Variants in PCSK6 observed in about 807,000 individuals in gnomAD.
PCSK6 encodes the protein proprotein convertase subtilisin/kexin type 6, also known as paired basic amino acid cleaving enzyme 4.
A neutral mutation model predicts 123.3 loss-of-function variants in PCSK6; 85 were observed. That is an observed-to-expected ratio of 0.69 (90% CI 0.58 to 0.83). The LOEUF is 0.83. Ranked by LOEUF, PCSK6 falls within the 40% of genes least tolerant of loss-of-function variation. The pLI is 0.00. For missense variants in PCSK6, 1,191 were observed against 1,282.3 expected (o/e 0.93, Z 1.09); for synonymous variants, 508 against 516.0 (o/e 0.98, Z 0.21).
chr15:101,470,063 T>G (rs1567245435), intron 1 of PCSK6, among the ~76,000 whole-genome samples: 1 of 152,212 alleles, frequency 6.6e-6, no homozygotes, highest in Admixed American at 6.5e-5. Flanking sequence ...AACTGCCATT[T>G]TTTTTGAAGA....
intron 1 of PCSK6, 137 bp from the exon 2 acceptor site, chr15:101,443,797 C>T (rs2056818910): frequency 7.4e-6 from 5 of 671,244 alleles, no homozygotes; most frequent in Non-Finnish European, 1.3e-5. Context: ...CACCCTGCTC[C>T]TCATATCTCT....
chr15:101,433,563 G>A (rs949345322), intron 2 of PCSK6, among the ~76,000 whole-genome samples: 4 of 152,228 alleles, frequency 2.6e-5, no homozygotes, highest in Non-Finnish European at 5.9e-5. Context: ...GATGATGTGA[G>A]TTCCAAACAG....
At chr15:101,453,120 T>C (rs887755110) in intron 1 of PCSK6, among the ~76,000 whole-genome samples, 2 of 152,232 alleles carry the variant, frequency 1.3e-5, no homozygotes, top group Non-Finnish European at 2.9e-5. Context: ...AACCCCATGC[T>C]GAGAAGCGGC....
chr15:101,371,269 G>A (rs2141470184), intron 11 of PCSK6, among the ~76,000 whole-genome samples: 1 of 152,160 alleles, frequency 6.6e-6, no homozygotes, highest in South Asian at 2.1e-4. Flanking sequence ...CCCAGGGATG[G>A]GCTCCCTTTG....
chr15:101,354,452 T>A, intron 13 of PCSK6, among the ~76,000 whole-genome samples: 1 of 152,268 alleles, frequency 6.6e-6, no homozygotes, highest in East Asian at 1.9e-4. Context: ...TTTTTACACT[T>A]TAAACAAAGT....
At chr15:101,357,061 G>A (rs1222635020) in intron 13 of PCSK6, among the ~76,000 whole-genome samples, 1 of 152,202 alleles carries the variant, frequency 6.6e-6, no homozygotes, top group Non-Finnish European at 1.5e-5. Flanking sequence ...CACCATTGGA[G>A]CAGTTTTTTT....
intron 6 of PCSK6, among the ~76,000 whole-genome samples, chr15:101,415,012 A>G (rs1006022521): frequency 6.6e-6 from 1 of 152,244 alleles, no homozygotes; most frequent in African/African-American, 2.4e-5. Context: ...GTGTTATATC[A>G]GCCAAAGTAC....
chr15:101,431,071 T>C (rs1328022096), intron 4 of PCSK6, among the ~76,000 whole-genome samples: 1 of 152,238 alleles, frequency 6.6e-6, no homozygotes, highest in African/African-American at 2.4e-5. Flanking sequence ...CTTAGTTCTT[T>C]AGGCTCCATT....
intron 15 of PCSK6, among the ~76,000 whole-genome samples, chr15:101,331,193 C>T (rs146392909): frequency 1.7e-3 from 253 of 152,292 alleles, no homozygotes; most frequent in Non-Finnish European, 3.1e-3. Context: ...AGTGAACTGG[C>T]GGCCCCAAAC....
chr15:101,442,226 G>A (rs35811436), intron 2 of PCSK6, among the ~76,000 whole-genome samples: 16 of 152,076 alleles, frequency 1.1e-4, no homozygotes, highest in Admixed American at 9.8e-4. Flanking sequence ...CCATCCCTTA[G>A]TAAACACTTA....
intron 9 of PCSK6, among the ~76,000 whole-genome samples, chr15:101,387,258 G>A (rs762146224): frequency 7.9e-5 from 12 of 152,202 alleles, no homozygotes; most frequent in Admixed American, 5.9e-4. Context: ...GCCCATGGCC[G>A]TGCACCCTGG....
chr15:101,342,129 C>G (rs1418686456), intron 13 of PCSK6, among the ~76,000 whole-genome samples: 1 of 51,512 alleles, frequency 1.9e-5, no homozygotes, highest in South Asian at 9.0e-4. Flanking sequence ...GACCCTGTCT[C>G]AAAAAAAAAA....
chr15:101,314,453 C>T (rs142602195), intron 19 of PCSK6, among the ~76,000 whole-genome samples: 1 of 152,210 alleles, frequency 6.6e-6, no homozygotes, highest in African/African-American at 2.4e-5. Flanking sequence ...ATCACAATGC[C>T]CAGGTAAACC....
rs2042157845 is a variant in PCSK6, at chr15:101,389,326, T to C, written c.1310+138A>G. 21 of 678,226 alleles carry C rather than the reference T, an allele frequency of 3.1e-5. No individual in the cohort carries two copies. In the East Asian group the frequency reaches 5.4e-4, roughly 18 times the overall value. The allele number at this position is 678,226 out of a possible 1,614,324, so 42.0% of individuals were successfully genotyped here. On this transcript the variant is annotated intron_variant, in intron 9 of 21. Coordinates refer to ENST00000611716, the MANE Select transcript of PCSK6 (RefSeq NM_002570.5). ...CGAAGCTCTGGGAGAGGGATGGTGGTGCAGGTGCACGACTCACTGAATGTG... is the reference window on the plus strand; with the variant it reads ...CGAAGCTCTGGGAGAGGGATGGTGGCGCAGGTGCACGACTCACTGAATGTG...
At chr15:101,394,839 G>C (rs894152385) in intron 7 of PCSK6, among the ~76,000 whole-genome samples, 1 of 152,188 alleles carries the variant, frequency 6.6e-6, no homozygotes, top group African/African-American at 2.4e-5. Context: ...AAAGTTCTTG[G>C]AGCTCACGCA....
chr15:101,485,600 T>C (rs528752897), intron 1 of PCSK6, among the ~76,000 whole-genome samples: 1 of 152,352 alleles, frequency 6.6e-6, no homozygotes. Context: ...TGTTTTTCCA[T>C]GGGGAGAGCC....
chr15:101,488,456 T>C (rs912216836), intron 1 of PCSK6, among the ~76,000 whole-genome samples: 6 of 152,182 alleles, frequency 3.9e-5, no homozygotes, highest in African/African-American at 1.4e-4. Flanking sequence ...GGGCGTGGCC[T>C]GCTTGCTCAC....
At chr15:101,440,221 T>A (rs746076665) in intron 2 of PCSK6, among the ~76,000 whole-genome samples, 19 of 152,338 alleles carry the variant, frequency 1.2e-4, no homozygotes, top group South Asian at 2.1e-4. Flanking sequence ...CTGCGAACAC[T>A]TGGGCTGTTC....
intron 9 of PCSK6, 65 bp downstream of exon 9, chr15:101,389,399 G>A: frequency 7.7e-7 from 1 of 1,299,312 alleles, no homozygotes; most frequent in Non-Finnish European, 1.1e-6. Flanking sequence ...AATGGCCAAT[G>A]TCATGTGTAT....
Sources: allele counts gnomAD v4.1 joint callset (sites outside exome capture counted in the v4.1 genomes callset), GRCh38; gene constraint gnomAD v4.1.1; transcripts MANE v1.5; gene names NCBI Gene and HGNC (gene_info 2026-07-23, HGNC 2026-07-21).